KCNIP4: variants seen among roughly 807,000 people sequenced by gnomAD.
KCNIP4 encodes the protein Kv channel-interacting protein 4.
KCNIP4 carries 12 observed loss-of-function variants against 34.0 expected under a neutral mutation model. That is an observed-to-expected ratio of 0.35 (90% CI 0.23 to 0.57). The LOEUF is 0.57. Among genes scored for constraint, KCNIP4 ranks in the 20% least tolerant of loss-of-function variants. The probability of loss-of-function intolerance (pLI) is 0.83; values close to 1 mark genes in which losing one functional copy is unlikely to be tolerated. For missense variants in KCNIP4, 238 were observed against 311.7 expected, an observed-to-expected ratio of 0.76 and a Z score of 1.78; for synonymous variants, 124 against 102.2, an observed-to-expected ratio of 1.21 and a Z score of -1.29.
At chr4:21,225,786 T>C (rs1758336425) in intron 1 of KCNIP4, among the ~76,000 whole-genome samples, 1 of 152,070 alleles carries the variant, frequency 6.6e-6, no homozygotes, top group Non-Finnish European at 1.5e-5. Flanking sequence ...AATAATTTGA[T>C]TTGGAAGAAG....
chr4:21,316,017 A>T (rs1713716490), intron 1 of KCNIP4, among the ~76,000 whole-genome samples: 1 of 152,222 alleles, frequency 6.6e-6, no homozygotes, highest in Non-Finnish European at 1.5e-5. Context: ...CCCAAATGCC[A>T]GGGTGATTCC....
chr4:20,986,296 G>T (rs1736571536), intron 1 of KCNIP4, among the ~76,000 whole-genome samples: 1 of 152,066 alleles, frequency 6.6e-6, no homozygotes, highest in African/African-American at 2.4e-5. Flanking sequence ...TTTTCATTTT[G>T]AATAACATAT....
intron 1 of KCNIP4, among the ~76,000 whole-genome samples, chr4:21,248,843 TAA>T (rs911043623): frequency 6.6e-6 from 1 of 152,094 alleles, no homozygotes; most frequent in African/African-American, 2.4e-5. Flanking sequence ...AGAGGTTAGT[TAA>T]ACAACTTTCA....
At chr4:21,242,207 T>C (rs1387003155) in intron 1 of KCNIP4, among the ~76,000 whole-genome samples, 1 of 151,196 alleles carries the variant, frequency 6.6e-6, no homozygotes, top group Non-Finnish European at 1.5e-5. Flanking sequence ...TTATGTTCCT[T>C]AACTCTCAGG....
chr4:21,100,632 A>G (rs369960843), intron 1 of KCNIP4, among the ~76,000 whole-genome samples: 2 of 152,176 alleles, frequency 1.3e-5, no homozygotes, highest in South Asian at 2.1e-4. Flanking sequence ...GCAGCCATCC[A>G]CACTGAGATC....
At chr4:21,671,935 G>T (rs1365065021) in intron 1 of KCNIP4, among the ~76,000 whole-genome samples, 2 of 152,118 alleles carry the variant, frequency 1.3e-5, no homozygotes, top group Non-Finnish European at 2.9e-5. Context: ...CCTGAACTTT[G>T]AAGTAAATGA....
In KCNIP4 at chr4:20,919,651, G is replaced by A. The variant is rs1443366620; in HGVS notation, c.62-36942C>T. On this transcript the variant is annotated intron_variant, in intron 1 of 8. Transcript: ENST00000382152. Reference sequence around the variant, plus strand: ...ACGGGAGGCGGAGCTTGCCCTGAGCGGAGATGGCACCACTGCACTCCAGCC... The same window carrying A: ...ACGGGAGGCGGAGCTTGCCCTGAGCAGAGATGGCACCACTGCACTCCAGCC... Among the ~76,000 whole-genome samples the A allele has an allele frequency of 3.3e-5, 5 of 149,546 alleles. No homozygotes were observed. The South Asian group carries it at 6.4e-4, about 19-fold the overall frequency.
chr4:21,782,783 G>T (rs1029260317), intron 1 of KCNIP4, among the ~76,000 whole-genome samples: 3 of 152,088 alleles, frequency 2.0e-5, no homozygotes, highest in Admixed American at 1.3e-4. Flanking sequence ...TGTCCTATAG[G>T]TGAACAGTTA....
intron 3 of KCNIP4, among the ~76,000 whole-genome samples, chr4:20,848,129 T>C (rs777294322): frequency 1.3e-5 from 2 of 152,058 alleles, no homozygotes; most frequent in Non-Finnish European, 2.9e-5. Flanking sequence ...TTATGAGAGA[T>C]GTCGATTAAT....
At chr4:21,484,058 A>T (rs1318586907) in intron 1 of KCNIP4, among the ~76,000 whole-genome samples, 1 of 151,858 alleles carries the variant, frequency 6.6e-6, no homozygotes, top group Admixed American at 6.6e-5. Context: ...TAGCAGCGTG[A>T]TAATGGACTA....
At chr4:20,994,300 A>G (rs1737345057) in intron 1 of KCNIP4, among the ~76,000 whole-genome samples, 1 of 152,216 alleles carries the variant, frequency 6.6e-6, no homozygotes, top group Admixed American at 6.5e-5. Flanking sequence ...GATAACATAA[A>G]CTGAAGCTCA....
At chr4:21,933,164 A>G (rs13143991) in intron 1 of KCNIP4, among the ~76,000 whole-genome samples, 40,585 of 151,660 alleles carry the variant, frequency 0.27, 6,091 homozygotes, top group East Asian at 0.62. Flanking sequence ...TTATAGAAAT[A>G]TTGTCTTCTG....
At chr4:21,732,536 T>C (rs988179486) in intron 1 of KCNIP4, among the ~76,000 whole-genome samples, 6 of 152,166 alleles carry the variant, frequency 3.9e-5, no homozygotes, top group Admixed American at 2.0e-4. Flanking sequence ...TCCAGCTGTT[T>C]CAAAGCAGGA....
intron 1 of KCNIP4, among the ~76,000 whole-genome samples, chr4:21,288,514 T>G (rs1578024857): frequency 6.6e-6 from 1 of 152,348 alleles, no homozygotes; most frequent in African/African-American, 2.4e-5. Flanking sequence ...AGTGTTAACC[T>G]TGAGCCAGAC....
intron 1 of KCNIP4, among the ~76,000 whole-genome samples, chr4:21,467,324 T>C (rs561780245): frequency 7.1e-4 from 108 of 152,256 alleles, no homozygotes; most frequent in African/African-American, 2.4e-3. Context: ...TCCAAAAATA[T>C]ATAATAAATA....
At chr4:21,171,390 T>A (rs1053734307) in intron 1 of KCNIP4, among the ~76,000 whole-genome samples, 4 of 152,222 alleles carry the variant, frequency 2.6e-5, no homozygotes, top group Admixed American at 2.6e-4. Flanking sequence ...CCTGTCTTTG[T>A]TAGAGACAGA....
At chr4:21,778,720 T>A (rs964239200) in intron 1 of KCNIP4, among the ~76,000 whole-genome samples, 1 of 152,098 alleles carries the variant, frequency 6.6e-6, no homozygotes, top group African/African-American at 2.4e-5. Context: ...AATGTAAAAA[T>A]CGGATTCTTG....
At chr4:21,312,004 C>T (rs1318960564) in intron 1 of KCNIP4, among the ~76,000 whole-genome samples, 2 of 152,144 alleles carry the variant, frequency 1.3e-5, no homozygotes, top group Non-Finnish European at 2.9e-5. Flanking sequence ...CATGACTAGA[C>T]AATATCCTTA....
At chr4:21,801,964 T>A (rs565338076) in intron 1 of KCNIP4, among the ~76,000 whole-genome samples, 45 of 151,966 alleles carry the variant, frequency 3.0e-4, no homozygotes, top group African/African-American at 1.1e-3. Context: ...GAATTTTTTT[T>A]TTAAAAAAGA....
Sources: gnomAD v4.1 joint callset for allele counts (sites outside exome capture counted in the v4.1 genomes callset) on GRCh38, gnomAD v4.1.1 for gene constraint, MANE v1.5 for transcripts, NCBI Gene and HGNC (gene_info 2026-07-23, HGNC 2026-07-21) for gene names.